Variants in DDX49 observed in about 807,000 individuals in gnomAD.
DDX49 encodes the protein probable ATP-dependent RNA helicase DDX49.
DDX49 carries 50 observed loss-of-function variants against 56.3 expected under a neutral mutation model. The observed-to-expected ratio is 0.89, with a 90% CI of 0.71 to 1.12. The LOEUF is 1.12. Among genes scored for constraint, DDX49 ranks in the 50% most tolerant of loss-of-function variants. The pLI is 0.00. For missense variants in DDX49, 614 were observed against 650.5 expected (o/e 0.94, Z 0.61); for synonymous variants, 269 against 270.6 (o/e 0.99, Z 0.06).
At chr19:18,919,926 C>A in intron 1 of DDX49, 70 bp downstream of exon 1, 1 of 1,253,010 alleles carries the variant, frequency 8.0e-7, no homozygotes, top group Non-Finnish European at 1.1e-6. Flanking sequence ...TTCTCGCAAC[C>A]TTTGCTTATT....
At chr19:18,923,533 GA>G (rs2056936095) in intron 6 of DDX49, among the ~76,000 whole-genome samples, 3 of 152,140 alleles carry the variant, frequency 2.0e-5, no homozygotes, top group Admixed American at 2.0e-4. Context: ...GAAAAAGAGA[GA>G]AAAGTTTGGC....
chr19:18,924,742 A>G, intron 8 of DDX49, 43 bp downstream of exon 8: 1 of 1,612,248 alleles, frequency 6.2e-7, no homozygotes, highest in Non-Finnish European at 8.5e-7. Context: ...TCCCTCTTTT[A>G]CTACAAGGCC....
In DDX49 at chr19:18,924,190, A is replaced by G. The variant is rs750238904; in HGVS notation, c.777-43A>G. 5.0e-6 allele frequency: 8 copies of G among 1,604,142 alleles called. No individual in the cohort carries two copies. In the Admixed American group the frequency reaches 1.3e-4, roughly 27 times the overall value. On this transcript the variant is annotated intron_variant, in intron 6 of 12. Coordinates refer to ENST00000247003, the MANE Select transcript of DDX49 (RefSeq NM_019070.5). ...GTGGGGGCAGGAACACCTTCCCAGAACCTGAGAGCTGGAGGGGTTGACAGG... is the reference window on the plus strand; with the variant it reads ...GTGGGGGCAGGAACACCTTCCCAGAGCCTGAGAGCTGGAGGGGTTGACAGG...
rs1479588971 is a variant in DDX49, at chr19:18,927,092, A to AAG, written c.1103-670_1103-669dup. 4.1e-4 allele frequency among the ~76,000 whole-genome samples: 58 copies of AAG among 141,624 alleles called. No individual in the cohort carries two copies. In the South Asian group the frequency reaches 0.01, roughly 25 times the overall value. 92.9% of individuals were successfully genotyped at this position (141,624 alleles called of 152,430 possible). On this transcript the variant is annotated intron_variant, in intron 10 of 12. Coordinates refer to ENST00000247003, the MANE Select transcript of DDX49 (RefSeq NM_019070.5). ...TCTCAAAAAAAAAAAAAAAAAAAAA[A>AAG]AGAGAAACATCTGGACTTTAAGGCC...
intron 4 of DDX49, 43 bp from the exon 5 acceptor site, chr19:18,922,283 G>A: frequency 1.3e-6 from 2 of 1,589,576 alleles, no homozygotes; most frequent in Non-Finnish European, 1.7e-6. Flanking sequence ...AAGACCCGGG[G>A]CCATGGACGG....
At position 18,919,847 on chromosome 19, in the gene DDX49, A is replaced by T; in HGVS notation, c.106A>T (p.Ile36Phe). 6.2e-7 allele frequency: 1 copy of T among 1,600,712 alleles called. No individual in the cohort carries two copies. Among genetic ancestry groups the T allele is most frequent in the South Asian group, 1.1e-5 (1 of 90,776 alleles). ...TPVQLGCIPAILEGRDCLGCA... is the reference protein window; with the variant it reads ...TPVQLGCIPAFLEGRDCLGCA... ...CGTGCAGCTCGGCTGCATCCCCGCCATCCTGGAGGGTGAGTATGGCCCAGG... is the reference window on the plus strand; with the variant it reads ...CGTGCAGCTCGGCTGCATCCCCGCCTTCCTGGAGGGTGAGTATGGCCCAGG... Residue 36 changes from isoleucine to phenylalanine, a missense_variant, in exon 1 of 13, where the codon ATC (isoleucine) becomes TTC (phenylalanine). Ile to Phe is a conservative substitution (Grantham distance 21). Transcript: ENST00000247003.
intron 9 of DDX49, 23 bp downstream of exon 9, chr19:18,925,002 G>C: frequency 1.2e-6 from 2 of 1,604,050 alleles, no homozygotes; most frequent in Non-Finnish European, 1.7e-6. Context: ...GGGGGAGGCC[G>C]AGCCTTGGGC....
At chr19:18,925,126 AAAGC>A in intron 9 of DDX49, 147 bp downstream of exon 9, 2 of 871,042 alleles carry the variant, frequency 2.3e-6, no homozygotes, top group Non-Finnish European at 3.3e-6. Context: ...TGTCCTTTCT[AAAGC>A]AAAGGTGAAT....
chr19:18,925,510 G>A (rs757871732), intron 9 of DDX49, among the ~76,000 whole-genome samples: 7 of 152,130 alleles, frequency 4.6e-5, no homozygotes, highest in East Asian at 1.9e-4. Context: ...AGTGGAGATC[G>A]CACAATTGCA....
chr19:18,923,427 C>T lies in DDX49; in HGVS notation c.776+683C>T, dbSNP rs144834696. 2.2e-4 allele frequency among the ~76,000 whole-genome samples: 33 copies of T among 152,130 alleles called. No individual in the cohort carries two copies. The Middle Eastern group carries it at 0.01, about 47-fold the overall frequency. ...GTCCCAGCTACTGGGGAAGGTGAGGCGGGAGAATCACTTGAACCCGGTAGG... is the reference window on the plus strand; with the variant it reads ...GTCCCAGCTACTGGGGAAGGTGAGGTGGGAGAATCACTTGAACCCGGTAGG... On this transcript the variant is annotated intron_variant, in intron 6 of 12. Coordinates refer to ENST00000247003, the MANE Select transcript of DDX49 (RefSeq NM_019070.5).
intron 6 of DDX49, among the ~76,000 whole-genome samples, chr19:18,923,809 CTTTT>C (rs1214454256): frequency 1.5e-5 from 2 of 130,144 alleles, no homozygotes; most frequent in African/African-American, 5.7e-5. Context: ...CATCCTGCCT[CTTTT>C]TTTTTTTTTT....
In DDX49 at chr19:18,919,753, CGCGGA is replaced by C. The variant is rs749603959; in HGVS notation, c.15_19del (p.Glu6ArgfsTer40). The C allele has an allele frequency of 1.2e-6, 2 of 1,610,208 alleles. No homozygotes were observed. Among genetic ancestry groups the C allele is most frequent in the Non-Finnish European group, 1.7e-6 (2 of 1,177,112 alleles). On this transcript the variant is annotated frameshift_variant, in exon 1 of 13. Transcript: ENST00000247003. LOFTEE classifies it high-confidence loss of function. ...AAGCGGCCACAAGGATGGCAGGCTT[CGCGGA>C]GCTCGGGCTGTCATCGTGGCTCGTG...
intron 8 of DDX49, 71 bp downstream of exon 8, chr19:18,924,770 G>A (rs2056947448): frequency 6.2e-7 from 1 of 1,613,124 alleles, no homozygotes; most frequent in Non-Finnish European, 8.5e-7. Flanking sequence ...TGAGAAGGCT[G>A]GCCTCAGGCA....
rs950301399 is a variant in DDX49 at position 18,920,645 on chromosome 19, T to C, written c.181T>C (p.Leu61=). The change falls in exon 2 of 13, where the codon TTG becomes CTG. Residue 61 remains leucine, a synonymous_variant. Coordinates refer to ENST00000247003, the MANE Select transcript of DDX49 (RefSeq NM_019070.5). ...GACAGCAGCGTTTGTCCTTCCCATC[T>C]TGCAGAAGCTGTCTGAGGATCCCTA... ...GKTAAFVLPI[L]QKLSEDPYGI... The C allele has an allele frequency of 1.2e-6, 2 of 1,611,804 alleles. No homozygotes were observed. Among genetic ancestry groups the C allele is most frequent in the African/African-American group, 2.7e-5 (2 of 74,910 alleles).
At chr19:18,922,859 G>C in intron 6 of DDX49, 115 bp downstream of exon 6, 1 of 1,354,982 alleles carries the variant, frequency 7.4e-7, no homozygotes, top group Non-Finnish European at 1.0e-6. Context: ...GCTCAGCCTG[G>C]AGGTCATGGG....
Position 18,928,128 on chromosome 19 carries a change from G to A in DDX49, c.1264G>A (p.Asp422Asn). Residue 422 changes from aspartate to asparagine, a missense_variant and splice_region_variant, in exon 13 of 13, where the codon GAC (aspartate) becomes AAC (asparagine). Coordinates refer to ENST00000247003, the MANE Select transcript of DDX49 (RefSeq NM_019070.5). ...KRKQLILEGKDPDLEAKRKAE... is the reference protein window; with the variant it reads ...KRKQLILEGKNPDLEAKRKAE... ...CATCCCCTGGTCCTCCCTGTGCCAGGACCCTGACCTGGAGGCCAAGCGCAA... is the reference window on the plus strand; with the variant it reads ...CATCCCCTGGTCCTCCCTGTGCCAGAACCCTGACCTGGAGGCCAAGCGCAA... 6.2e-7 allele frequency: 1 copy of A among 1,609,620 alleles called. No homozygotes were observed. The highest frequency in any genetic ancestry group is 8.5e-7 in the Non-Finnish European group (1 of 1,178,052).
Position 18,922,390 on chromosome 19 carries a change from C to T in DDX49, c.512C>T (p.Ala171Val). Residue 171 changes from alanine (A) to valine (V), a missense_variant, in exon 5 of 13, where the codon GCC becomes GTC. Ala to Val is a moderately conservative substitution (Grantham distance 64). Transcript: ENST00000247003. Reference protein sequence around the residue: ...GCTDFTVDLEAILAAVPARRQ... With the variant: ...GCTDFTVDLEVILAAVPARRQ... ...ACTGACTTCACCGTGGACCTGGAGGCCATCCTGGCGGCTGTGCCGGCCCGC... is the reference window on the plus strand; with the variant it reads ...ACTGACTTCACCGTGGACCTGGAGGTCATCCTGGCGGCTGTGCCGGCCCGC... 6.2e-7 allele frequency: 1 copy of T among 1,611,608 alleles called. No homozygotes were observed. The highest frequency in any genetic ancestry group is 8.5e-7 in the Non-Finnish European group (1 of 1,179,698).
At position 18,928,483 on chromosome 19, in the gene DDX49, G is replaced by C. The variant is rs146805638; in HGVS notation, c.*167G>C. On this transcript the variant is annotated 3_prime_UTR_variant, in exon 13 of 13. Transcript: ENST00000247003. ...CCTGCTCCTCTGCCCCGAAACCACT[G>C]GCTGGTCCCTTCCCTGAGCCCTGGC... 1.1e-5 allele frequency: 7 copies of C among 666,264 alleles called. No homozygotes were observed. The highest frequency in any genetic ancestry group is 1.7e-5 in the Non-Finnish European group (7 of 406,430). The allele number at this position is 666,264 out of a possible 1,614,324, so 41.3% of individuals were successfully genotyped here. A position where few individuals can be genotyped will look rare whatever the true frequency, so the allele number is the denominator to read the frequency against.
At chr19:18,925,200 C>CACTTGAACCCGGGAGGTTGCGGCAAGA in intron 9 of DDX49, 2 of 476,938 alleles carry the variant, frequency 4.2e-6, no homozygotes, top group Non-Finnish European at 3.6e-6. Flanking sequence ...TTGCGGCAAG[C>CACTTGAACCCGGGAGGTTGCGGCAAGA]TGAGAATGCA....
Sources: allele counts gnomAD v4.1 joint callset (sites outside exome capture counted in the v4.1 genomes callset), GRCh38; gene constraint gnomAD v4.1.1; transcripts MANE v1.5; gene names NCBI Gene and HGNC (gene_info 2026-07-23, HGNC 2026-07-21).